RAB31: variants seen among roughly 807,000 people sequenced by gnomAD.
The protein encoded by RAB31 is ras-related protein Rab-31.
RAB31 carries 21 observed loss-of-function variants against 25.6 expected under a neutral mutation model. The observed-to-expected ratio is 0.82, with a 90% CI of 0.58 to 1.18. RAB31 has a LOEUF of 1.18. Ranked by LOEUF, RAB31 falls within the 50% of genes most tolerant of loss-of-function variation. The pLI is 0.00. For synonymous variants in RAB31, 87 were observed against 84.0 expected, an observed-to-expected ratio of 1.04 and a Z score of -0.20; for missense variants, 196 against 250.1, an observed-to-expected ratio of 0.78 and a Z score of 1.46.
At chr18:9,731,596 C>CT (rs10685568) in intron 1 of RAB31, among the ~76,000 whole-genome samples, 6,682 of 107,466 alleles carry the variant, frequency 0.062, 482 homozygotes, top group South Asian at 0.18. Context: ...TGGGAATTTG[C>CT]TTTTTTTTTT....
intron 1 of RAB31, among the ~76,000 whole-genome samples, chr18:9,744,568 A>G (rs1207158238): frequency 6.6e-6 from 1 of 152,190 alleles, no homozygotes; most frequent in Non-Finnish European, 1.5e-5. Flanking sequence ...GGTCCCTATT[A>G]AAAATAACAA....
intron 3 of RAB31, among the ~76,000 whole-genome samples, chr18:9,805,666 TC>T (rs1341850359): frequency 9.9e-5 from 15 of 152,184 alleles, no homozygotes; most frequent in Non-Finnish European, 1.8e-4. Flanking sequence ...CCCACCACAC[TC>T]CAGTTTCTCT....
intron 3 of RAB31, among the ~76,000 whole-genome samples, chr18:9,812,024 G>A (rs564946091): frequency 6.6e-6 from 1 of 152,290 alleles, no homozygotes; most frequent in Non-Finnish European, 1.5e-5. Flanking sequence ...TGCCTGTGAG[G>A]GCCCCCTTTC....
intron 1 of RAB31, among the ~76,000 whole-genome samples, chr18:9,754,850 C>T (rs2068253041): frequency 6.6e-6 from 1 of 152,144 alleles, no homozygotes; most frequent in Non-Finnish European, 1.5e-5. Flanking sequence ...TAACACAGTG[C>T]CTGGTGTGGC....
At chr18:9,793,445 G>C (rs2068471616) in intron 3 of RAB31, among the ~76,000 whole-genome samples, 1 of 152,118 alleles carries the variant, frequency 6.6e-6, no homozygotes. Flanking sequence ...GGCGGATCAT[G>C]AGGTCAGGAA....
chr18:9,844,022 C>G (rs925532605), intron 5 of RAB31, among the ~76,000 whole-genome samples: 41 of 152,314 alleles, frequency 2.7e-4, no homozygotes, highest in African/African-American at 9.9e-4. Flanking sequence ...CTCTCTGTCC[C>G]TGTTTTGATT....
At position 9,734,131 on chromosome 18, in the gene RAB31, G is replaced by T. The variant is rs369538384; in HGVS notation, c.39+25687G>T. On this transcript the variant is annotated intron_variant, in intron 1 of 6. Transcript: ENST00000578921. ...GGGAGGGAGGGAGGGAGGGAGGAAG[G>T]CTAAACTAAGGTCATGCACTCAGGT... Among the ~76,000 whole-genome samples the T allele has an allele frequency of 3.4e-4, 51 of 150,696 alleles. 1 individual carries two copies. Among genetic ancestry groups the T allele is most frequent in the African/African-American group, 1.1e-3 (47 of 41,076 alleles).
Position 9,753,694 on chromosome 18 carries a change from T to A in RAB31, c.40-21584T>A, listed in dbSNP as rs77233845. 6.0e-3 allele frequency among the ~76,000 whole-genome samples: 907 copies of A among 152,226 alleles called. 9 individuals carry two copies. The highest frequency in any genetic ancestry group is 0.021 in the African/African-American group (863 of 41,514). ...AGGTCTTTTAGCAATGAAGAAAGTA[T>A]GTACTAGGAGATGAAGGCATGGGAA... On this transcript the variant is annotated intron_variant, in intron 1 of 6. Transcript: ENST00000578921.
intron 5 of RAB31, among the ~76,000 whole-genome samples, chr18:9,840,444 TGGTGGCA>T (rs1259328039): frequency 6.6e-6 from 1 of 152,178 alleles, no homozygotes; most frequent in Non-Finnish European, 1.5e-5. Flanking sequence ...GGGAGGCCTG[TGGTGGCA>T]GCCTTTCTGC....
intron 1 of RAB31, among the ~76,000 whole-genome samples, chr18:9,770,382 G>C (rs990787985): frequency 2.6e-5 from 4 of 152,206 alleles, no homozygotes; most frequent in Admixed American, 2.0e-4. Flanking sequence ...TCACAGATTG[G>C]TGGTGCCTAG....
At chr18:9,853,966 T>TC (rs1240759755) in intron 6 of RAB31, among the ~76,000 whole-genome samples, 1 of 150,242 alleles carries the variant, frequency 6.7e-6, no homozygotes, top group East Asian at 1.9e-4. Context: ...TTCTTTTCTT[T>TC]TTTTTTTTTT....
At chr18:9,828,185 C>T (rs2068659635) in intron 5 of RAB31, among the ~76,000 whole-genome samples, 1 of 152,084 alleles carries the variant, frequency 6.6e-6, no homozygotes, top group South Asian at 2.1e-4. Flanking sequence ...CTGCGCCTGC[C>T]CTGGGGAATA....
At chr18:9,727,038 A>G (rs1358303637) in intron 1 of RAB31, among the ~76,000 whole-genome samples, 1 of 152,214 alleles carries the variant, frequency 6.6e-6, no homozygotes, top group African/African-American at 2.4e-5. Flanking sequence ...ACTTATACTA[A>G]GATGGCATTA....
intron 5 of RAB31, among the ~76,000 whole-genome samples, chr18:9,844,351 C>T (rs563952243): frequency 5.3e-5 from 8 of 152,272 alleles, no homozygotes; most frequent in African/African-American, 1.7e-4. Flanking sequence ...TAATAATCTC[C>T]GGGAATGTGT....
intron 2 of RAB31, among the ~76,000 whole-genome samples, chr18:9,785,782 C>T (rs936759268): frequency 2.6e-5 from 4 of 151,880 alleles, no homozygotes; most frequent in Admixed American, 1.3e-4. Flanking sequence ...CTGTGTAGGT[C>T]GGGCACAGTG....
At chr18:9,828,335 C>T (rs2068660532) in intron 5 of RAB31, among the ~76,000 whole-genome samples, 2 of 152,138 alleles carry the variant, frequency 1.3e-5, no homozygotes, top group African/African-American at 2.4e-5. Flanking sequence ...CCTGTTGTGG[C>T]CCCAGGCTCC....
At chr18:9,749,190 G>A (rs1283608014) in intron 1 of RAB31, among the ~76,000 whole-genome samples, 2 of 152,176 alleles carry the variant, frequency 1.3e-5, no homozygotes, top group East Asian at 1.9e-4. Flanking sequence ...ATTCATTTAA[G>A]TGGCTGCATC....
intron 1 of RAB31, 67 bp from the exon 2 acceptor site, chr18:9,775,211 C>A: frequency 6.2e-7 from 1 of 1,607,554 alleles, no homozygotes; most frequent in South Asian, 1.1e-5. Context: ...TCTGTGAGGT[C>A]AGTTAACCTC....
intron 1 of RAB31, among the ~76,000 whole-genome samples, chr18:9,754,263 T>C (rs915707491): frequency 9.9e-5 from 15 of 152,158 alleles, no homozygotes; most frequent in Admixed American, 2.0e-4. Flanking sequence ...ATTGTGTCTG[T>C]ACTGAACAAG....
Sources: allele counts gnomAD v4.1 joint callset (sites outside exome capture counted in the v4.1 genomes callset), GRCh38; gene constraint gnomAD v4.1.1; transcripts MANE v1.5; gene names NCBI Gene and HGNC (gene_info 2026-07-23, HGNC 2026-07-21).